Variants in SCP2 observed in about 807,000 individuals in gnomAD.
The protein encoded by SCP2 is SCP-2/3-oxoacyl-CoA thiolase.
In SCP2, 48 loss-of-function variants were observed where a neutral mutation model predicts 71.4. That is an observed-to-expected ratio of 0.67 (90% confidence interval 0.53 to 0.86). The LOEUF (loss-of-function observed/expected upper bound fraction) is 0.86, where lower values mean the gene tolerates loss of function less well. Among genes scored for constraint, SCP2 ranks in the 40% least tolerant of loss-of-function variants. The pLI, the probability that SCP2 is intolerant of heterozygous loss-of-function variation, is 0.00. For missense variants in SCP2, 560 were observed against 655.6 expected, an observed-to-expected ratio of 0.85 and a Z score of 1.59; for synonymous variants, 220 against 218.1, an observed-to-expected ratio of 1.01 and a Z score of -0.08.
At chr1:53,033,903 A>T (rs115479144) in intron 13 of SCP2, among the ~76,000 whole-genome samples, 1 of 152,342 alleles carries the variant, frequency 6.6e-6, no homozygotes, top group Admixed American at 6.5e-5. Flanking sequence ...GAAAACAACC[A>T]TCAGCTGCTG....
chr1:52,950,983 A>T, intron 4 of SCP2, 97 bp downstream of exon 4: 1 of 1,425,890 alleles, frequency 7.0e-7, no homozygotes, highest in African/African-American at 1.4e-5. Context: ...TATTTGTTTT[A>T]AAAAAGTCTT....
chr1:53,024,927 C>T (rs1217836057), intron 12 of SCP2, among the ~76,000 whole-genome samples: 7 of 151,920 alleles, frequency 4.6e-5, no homozygotes, highest in African/African-American at 1.7e-4. Flanking sequence ...ATCTTTATCC[C>T]CCCCACCAAA....
intron 4 of SCP2, among the ~76,000 whole-genome samples, chr1:52,954,314 A>C (rs1403272678): frequency 7.4e-6 from 1 of 134,340 alleles, no homozygotes; most frequent in Non-Finnish European, 1.5e-5. Flanking sequence ...ACTTTGTGTC[A>C]AAAAAAAAAA....
intron 11 of SCP2, among the ~76,000 whole-genome samples, chr1:53,007,997 A>G (rs1418779760): frequency 6.6e-6 from 1 of 152,314 alleles, no homozygotes; most frequent in South Asian, 2.1e-4. Context: ...AATACTATAA[A>G]CACCTCTACT....
At chr1:52,992,601 A>G (rs1177772503) in intron 11 of SCP2, among the ~76,000 whole-genome samples, 1 of 152,242 alleles carries the variant, frequency 6.6e-6, no homozygotes, top group Non-Finnish European at 1.5e-5. Flanking sequence ...TAGGAGCAGT[A>G]ACACAGGCTT....
At chr1:52,962,219 G>C (rs1430095108) in intron 6 of SCP2, among the ~76,000 whole-genome samples, 1 of 152,030 alleles carries the variant, frequency 6.6e-6, no homozygotes, top group Non-Finnish European at 1.5e-5. Flanking sequence ...ATAAATTGAG[G>C]ATCTTAAAAT....
At chr1:52,980,992 T>C (rs781419543) in intron 10 of SCP2, among the ~76,000 whole-genome samples, 1 of 152,132 alleles carries the variant, frequency 6.6e-6, no homozygotes, top group Non-Finnish European at 1.5e-5. Context: ...AGTGCAGTGG[T>C]GCAATCTCAG....
chr1:52,938,537 C>T (rs1173437123), intron 1 of SCP2, among the ~76,000 whole-genome samples: 1 of 152,160 alleles, frequency 6.6e-6, no homozygotes, highest in African/African-American at 2.4e-5. Flanking sequence ...CTCACTGCCT[C>T]CCGCCATGCT....
chr1:53,043,770 A>T (rs1663592124), intron 14 of SCP2, among the ~76,000 whole-genome samples: 1 of 152,226 alleles, frequency 6.6e-6, no homozygotes, highest in African/African-American at 2.4e-5. Context: ...TTGGACTGTT[A>T]GGACCAGGTC....
Position 52,961,551 on chromosome 1 carries a change from A to G in SCP2, c.445A>G (p.Asn149Asp). The stretch of plus-strand genomic sequence containing the variant: ...TGATAAGCATGTTGACCTCCTGATC[A>G]ATAAGTATGGATTGTCTGCTCACCC... ...PTDKHVDLLINKYGLSAHPVA... is the reference protein window; with the variant it reads ...PTDKHVDLLIDKYGLSAHPVA... The change falls in exon 6 of 16, where the codon AAT (asparagine) becomes GAT (aspartate). Residue 149 changes from asparagine (N) to aspartate (D), a missense_variant. By Grantham distance (23) the Asn-to-Asp change is conservative. Transcript: ENST00000371514. The G allele has an allele frequency of 6.2e-7, 1 of 1,613,910 alleles. No homozygotes were observed. Among genetic ancestry groups the G allele is most frequent in the Middle Eastern group, 1.6e-4 (1 of 6,062 alleles).
rs112958629 is a variant in SCP2, at chr1:53,009,798, G to A, written c.1082-5092G>A. Among the ~76,000 whole-genome samples the A allele has an allele frequency of 6.3e-3, 959 of 152,322 alleles. 16 individuals are homozygous for A. Among genetic ancestry groups the A allele is most frequent in the African/African-American group, 0.022 (914 of 41,556 alleles). On this transcript the variant is annotated intron_variant, in intron 11 of 15. Coordinates refer to ENST00000371514, the MANE Select transcript of SCP2 (RefSeq NM_002979.5). ...AAATGGGATCTAATTAAACTGAAGA[G>A]CTTCTGCACAGCAAAAGAAACTACC...
chr1:52,971,148 C>A (rs1434975137), intron 6 of SCP2, among the ~76,000 whole-genome samples: 1 of 151,494 alleles, frequency 6.6e-6, no homozygotes, highest in Non-Finnish European at 1.5e-5. Flanking sequence ...GCTAATTTTT[C>A]TGTATTTTTA....
chr1:52,999,193 G>A (rs920997776), intron 11 of SCP2, among the ~76,000 whole-genome samples: 1 of 152,178 alleles, frequency 6.6e-6, no homozygotes, highest in African/African-American at 2.4e-5. Flanking sequence ...TGAGGATTTG[G>A]ATATACTTCG....
At chr1:52,962,672 C>A (rs1656576521) in intron 6 of SCP2, among the ~76,000 whole-genome samples, 1 of 152,014 alleles carries the variant, frequency 6.6e-6, no homozygotes, top group Admixed American at 6.6e-5. Context: ...TCAAACACAC[C>A]AAGCTTTTCT....
chr1:52,931,628 G>A (rs1200962668), intron 1 of SCP2, among the ~76,000 whole-genome samples: 1 of 152,214 alleles, frequency 6.6e-6, no homozygotes, highest in Non-Finnish European at 1.5e-5. Flanking sequence ...AATGGCTGCA[G>A]AGAAAAGCCA....
intron 10 of SCP2, among the ~76,000 whole-genome samples, chr1:52,982,432 T>C (rs1045135875): frequency 1.3e-5 from 2 of 152,088 alleles, no homozygotes; most frequent in Non-Finnish European, 2.9e-5. Flanking sequence ...TAGCCGGGCA[T>C]GGTGTTGGGC....
intron 11 of SCP2, chr1:52,993,188 A>C: frequency 6.2e-7 from 1 of 1,613,796 alleles, no homozygotes; most frequent in Non-Finnish European, 8.5e-7. Flanking sequence ...GCTAAAACTG[A>C]AGGGATTCTA....
chr1:52,974,826 A>T lies in SCP2; in HGVS notation c.581A>T (p.Asn194Ile). Reference sequence around the variant, plus strand: ...TGGAAAAATCATAAACATTCAGTTAATAACCCGTAAGTATTTCAGAGACAT... The same window carrying T: ...TGGAAAAATCATAAACATTCAGTTATTAACCCGTAAGTATTTCAGAGACAT... ...IGWKNHKHSV[N>I]NPYSQFQDEY... is the part of the protein sequence containing the mutation. Residue 194 changes from asparagine to isoleucine, a missense_variant, in exon 7 of 16, where the codon AAT (asparagine) becomes ATT (isoleucine). This residue lies in a region of SCP2 where 513 missense variants were observed against 573.1 expected (regional missense o/e 0.90). Coordinates refer to ENST00000371514, the MANE Select transcript of SCP2 (RefSeq NM_002979.5). The T allele has an allele frequency of 6.9e-7, 1 of 1,449,948 alleles. No homozygotes were observed. The highest frequency in any genetic ancestry group is 1.1e-5 in the South Asian group (1 of 87,652). The allele number at this position is 1,449,948 out of a possible 1,614,324, so 89.8% of individuals were successfully genotyped here.
At chr1:53,048,268 A>G (rs1663964754) in intron 15 of SCP2, 1 of 354,050 alleles carries the variant, frequency 2.8e-6, no homozygotes. Context: ...GCCATCAGGG[A>G]GAGCACCACA....
Sources: allele counts gnomAD v4.1 joint callset (sites outside exome capture counted in the v4.1 genomes callset), GRCh38; gene constraint gnomAD v4.1.1; regional missense constraint gnomAD v4.1.1; transcripts MANE v1.5; gene names NCBI Gene and HGNC (gene_info 2026-07-23, HGNC 2026-07-21).